The following PSMD5 variants were observed in gnomAD, a reference collection of about 807,000 sequenced individuals.
PSMD5 encodes 26S proteasome non-ATPase regulatory subunit 5.
Under a neutral mutation model 52.1 loss-of-function variants are expected in PSMD5, and 40 were observed. The ratio of observed to expected loss-of-function variants is 0.77; its 90% CI spans 0.60 to 1.00. The LOEUF (loss-of-function observed/expected upper bound fraction) is 1.00. Ranked by LOEUF, PSMD5 falls within the 50% of genes least tolerant of loss-of-function variation. The pLI is 0.00. For missense variants in PSMD5, 575 were observed against 605.2 expected (o/e 0.95, Z 0.52); for synonymous variants, 211 against 226.6 (o/e 0.93, Z 0.62).
At chr9:120,827,639 C>T (rs2045131510) in intron 5 of PSMD5, among the ~76,000 whole-genome samples, 1 of 152,138 alleles carries the variant, frequency 6.6e-6, no homozygotes, top group African/African-American at 2.4e-5. Context: ...GGTTGAGACA[C>T]TCAAATGCAC....
At chr9:120,826,218 T>C (rs956172869) in intron 6 of PSMD5, among the ~76,000 whole-genome samples, 2 of 152,092 alleles carry the variant, frequency 1.3e-5, no homozygotes, top group Admixed American at 1.3e-4. Context: ...ATGGTCTCGA[T>C]CACCTGACCT....
chr9:120,825,993 CT>C (rs1194375987), intron 6 of PSMD5, among the ~76,000 whole-genome samples: 151 of 131,250 alleles, frequency 1.2e-3, no homozygotes, highest in Middle Eastern at 7.9e-3. Context: ...TTGTCCTGAT[CT>C]TTTTTTTTTT....
At position 120,826,814 on chromosome 9, in the gene PSMD5, A is replaced by G. The variant is rs1564475480; in HGVS notation, c.765T>C (p.Asn255=). 6.2e-7 allele frequency: 1 copy of G among 1,613,870 alleles called. No individual in the cohort carries two copies. The highest frequency in any genetic ancestry group is 2.2e-5 in the East Asian group (1 of 44,876). The change falls in exon 6 of 10, where the codon AAT becomes AAC. Residue 255 remains asparagine, a synonymous_variant. Coordinates refer to ENST00000210313, the MANE Select transcript of PSMD5 (RefSeq NM_005047.4). ...GGTCTGAATCTGCCCCAACAATTAT[A>G]TTAGAAATTTGGTCAATTACTCCTT... is the stretch of plus-strand genomic sequence containing the variant. The part of the protein sequence containing the change: ...AQEGVIDQIS[N]IIVGADSDPF...
At position 120,831,315 on chromosome 9, in the gene PSMD5, G is replaced by A. The variant is rs762426239; in HGVS notation, c.561+16C>T. The stretch of plus-strand genomic sequence containing the variant: ...TTCTGCTTTGTAAGCATGAGAAAGT[G>A]TGCTTTTTATCTTACCTCATACACC... On this transcript the variant is annotated intron_variant, in intron 4 of 9. Coordinates refer to ENST00000210313, the MANE Select transcript of PSMD5 (RefSeq NM_005047.4). 1.3e-6 allele frequency: 2 copies of A among 1,566,854 alleles called. No individual in the cohort carries two copies. Among genetic ancestry groups the A allele is most frequent in the Non-Finnish European group, 1.7e-6 (2 of 1,160,210 alleles).
chr9:120,831,694 C>T (rs1301820423), intron 3 of PSMD5, 138 bp downstream of exon 3: 49 of 1,320,282 alleles, frequency 3.7e-5, no homozygotes, highest in Non-Finnish European at 4.0e-5. Context: ...TTATTTTACA[C>T]AATCCATATG....
intron 1 of PSMD5, chr9:120,842,453 C>A: frequency 2.0e-6 from 1 of 506,352 alleles, no homozygotes; most frequent in Non-Finnish European, 3.5e-6. Flanking sequence ...AAGTGGACAG[C>A]TTTGCTTTCC....
At chr9:120,831,222 A>C (rs2045157579) in intron 4 of PSMD5, 109 bp downstream of exon 4, 3 of 1,178,334 alleles carry the variant, frequency 2.5e-6, no homozygotes, top group Non-Finnish European at 3.4e-6. Context: ...CCCAGCACCT[A>C]CTGTAGGGCC....
At chr9:120,828,913 C>T (rs983281653) in intron 5 of PSMD5, among the ~76,000 whole-genome samples, 186 bp downstream of exon 5, 14 of 152,194 alleles carry the variant, frequency 9.2e-5, no homozygotes, top group Middle Eastern at 3.2e-3. Flanking sequence ...GGGGCTTTCC[C>T]AAGTTCCAGT....
chr9:120,828,600 G>C (rs1384340812), intron 5 of PSMD5, among the ~76,000 whole-genome samples: 2 of 151,380 alleles, frequency 1.3e-5, no homozygotes, highest in Non-Finnish European at 2.9e-5. Context: ...GCTAATTTTT[G>C]TATTTTTAGT....
At position 120,842,702 on chromosome 9, in the gene PSMD5, CCT is replaced by C. The variant is rs1459793386; in HGVS notation, c.173+33_173+34del. The C allele has an allele frequency of 2.5e-6, 4 of 1,610,600 alleles. No individual in the cohort carries two copies. In the Admixed American group the frequency reaches 6.7e-5, roughly 27 times the overall value. On this transcript the variant is annotated intron_variant, in intron 1 of 9. Coordinates refer to ENST00000210313, the MANE Select transcript of PSMD5 (RefSeq NM_005047.4). Reference sequence around the variant, plus strand: ...TCTCATGTCCATATTTAGGGGTGCCCCTCTCCTCGGCTCAAGCCCCCGGGGTC... The same window carrying C: ...TCTCATGTCCATATTTAGGGGTGCCCCTCCTCGGCTCAAGCCCCCGGGGTC...
At chr9:120,821,228 A>G in intron 8 of PSMD5, 127 bp downstream of exon 8, 2 of 747,582 alleles carry the variant, frequency 2.7e-6, no homozygotes, top group Non-Finnish European at 4.2e-6. Flanking sequence ...TAAATTAAAA[A>G]TGTCACTAGT....
At chr9:120,840,829 G>A (rs922262276) in intron 1 of PSMD5, among the ~76,000 whole-genome samples, 3 of 151,792 alleles carry the variant, frequency 2.0e-5, no homozygotes, top group Non-Finnish European at 2.9e-5. Flanking sequence ...TATGTTGGCC[G>A]GGTTGGTCTC....
chr9:120,825,770 C>T (rs1005433934), intron 6 of PSMD5, among the ~76,000 whole-genome samples: 4 of 152,022 alleles, frequency 2.6e-5, no homozygotes, highest in Admixed American at 2.0e-4. Flanking sequence ...GATTTTGTAT[C>T]CTGCAGCTTT....
intron 1 of PSMD5, among the ~76,000 whole-genome samples, chr9:120,840,904 C>T (rs1392623694): frequency 6.6e-6 from 1 of 152,122 alleles, no homozygotes; most frequent in East Asian, 1.9e-4. Flanking sequence ...AGGCGTGAGC[C>T]ACCGTGCCTG....
At chr9:120,823,510 C>CTTTTTTTTT (rs1263218977) in intron 7 of PSMD5, among the ~76,000 whole-genome samples, 7 of 108,664 alleles carry the variant, frequency 6.4e-5, no homozygotes, top group African/African-American at 2.1e-4. Flanking sequence ...TACCTGGCCT[C>CTTTTTTTTT]TTTTTTTTTT....
At chr9:120,824,847 G>T in intron 6 of PSMD5, 162 bp from the exon 7 acceptor site, 1 of 593,162 alleles carries the variant, frequency 1.7e-6, no homozygotes, top group Non-Finnish European at 2.9e-6. Flanking sequence ...AGGAGATTCT[G>T]AAGGACCTGT....
chr9:120,834,332 AAAGGC>A (rs2045184267), intron 1 of PSMD5, among the ~76,000 whole-genome samples: 1 of 152,152 alleles, frequency 6.6e-6, no homozygotes, highest in South Asian at 2.1e-4. Context: ...TACAGAAAAA[AAAGGC>A]AACTGTAATC....
intron 1 of PSMD5, among the ~76,000 whole-genome samples, chr9:120,838,284 AG>A (rs1246250057): frequency 6.6e-6 from 1 of 152,238 alleles, no homozygotes; most frequent in East Asian, 1.9e-4. Flanking sequence ...TACCTTTGAA[AG>A]CTGTTTAAAA....
At chr9:120,842,148 GCTT>G (rs2045243606) in intron 1 of PSMD5, 3 of 154,154 alleles carry the variant, frequency 1.9e-5, no homozygotes, top group Admixed American at 1.9e-4. Flanking sequence ...GGCATTCAGT[GCTT>G]CTTTTTCTGT....
Sources: gnomAD v4.1 joint callset for allele counts (sites outside exome capture counted in the v4.1 genomes callset) on GRCh38, gnomAD v4.1.1 for gene constraint, MANE v1.5 for transcripts, NCBI Gene and HGNC (gene_info 2026-07-23, HGNC 2026-07-21) for gene names.